The following TSR1 variants were observed in gnomAD, a reference collection of about 807,000 sequenced individuals.
TSR1 encodes the protein pre-rRNA-processing protein TSR1 homolog.
A neutral mutation model predicts 90.9 loss-of-function variants in TSR1; 81 were observed. The observed-to-expected ratio is 0.89, with a 90% confidence interval of 0.74 to 1.07. TSR1 has a LOEUF of 1.07. Among genes scored for constraint, TSR1 ranks in the 50% least tolerant of loss-of-function variants. The pLI, the probability that TSR1 is intolerant of heterozygous loss-of-function variation, is 0.00. For synonymous variants in TSR1, 362 were observed against 348.8 expected, an observed-to-expected ratio of 1.04 and a Z score of -0.42; for missense variants, 989 against 987.3, an observed-to-expected ratio of 1.00 and a Z score of -0.02.
chr17:2,323,738 A>G lies in TSR1; in HGVS notation c.*458T>C. On this transcript the variant is annotated 3_prime_UTR_variant, in exon 15 of 15. Coordinates refer to ENST00000301364, the MANE Select transcript of TSR1 (RefSeq NM_018128.5). ...TTGGAGTGGCTGCTGTGCTGTCTCA[A>G]CATTTTCAAACTGTTTCCCCAGAAG... 6.2e-7 allele frequency: 1 copy of G among 1,614,214 alleles called. No individual in the cohort carries two copies. Among genetic ancestry groups the G allele is most frequent in the South Asian group, 1.1e-5 (1 of 91,088 alleles).
chr17:2,327,526 A>C (rs1413707195), intron 11 of TSR1, among the ~76,000 whole-genome samples: 1 of 152,162 alleles, frequency 6.6e-6, no homozygotes, highest in Non-Finnish European at 1.5e-5. Flanking sequence ...TCCAGTTCTA[A>C]GGATCTGCCT....
rs2064060891 is a variant in TSR1, at chr17:2,335,749, C to G, written c.202-19G>C. 1 of 1,608,040 alleles carries G rather than the reference C, an allele frequency of 6.2e-7. No individual in the cohort carries two copies. On this transcript the variant is annotated intron_variant, in intron 2 of 14. Transcript: ENST00000301364. ...CCAGAACCTGAAAATAGAAAGATAT[C>G]CGAGAACATCTCAGTGTCTCAGTAC...
In TSR1 at chr17:2,329,406, G is replaced by A; in HGVS notation, c.1840C>T (p.Leu614Phe). 6.2e-7 allele frequency: 1 copy of A among 1,614,172 alleles called. No individual in the cohort carries two copies. The highest frequency in any genetic ancestry group is 8.5e-7 in the Non-Finnish European group (1 of 1,180,030). ...CGCCTGAATCCACAGTGAAATATGA[G>A]CTCTTCCTTGGCTTTCACAGGTTCA... ...NTEPVKAKEE[L>F]IFHCGFRRFR... The change falls in exon 11 of 15, where the codon CTC (leucine) becomes TTC (phenylalanine). Residue 614 changes from leucine (L) to phenylalanine (F), a missense_variant. Transcript: ENST00000301364.
chr17:2,327,640 A>C (rs1232316400), intron 11 of TSR1, among the ~76,000 whole-genome samples: 1 of 152,214 alleles, frequency 6.6e-6, no homozygotes, highest in Admixed American at 6.5e-5. Context: ...AGCTCAAATA[A>C]GTATCAGTAC....
At chr17:2,331,729 C>A (rs373274039) in intron 8 of TSR1, among the ~76,000 whole-genome samples, 1 of 152,102 alleles carries the variant, frequency 6.6e-6, no homozygotes, top group East Asian at 1.9e-4. Flanking sequence ...TATAGCCATG[C>A]GAGAATGGCC....
chr17:2,330,094 T>A, intron 10 of TSR1: 1 of 327,636 alleles, frequency 3.1e-6, no homozygotes, highest in Non-Finnish European at 6.0e-6. Context: ...TAATTTTGTA[T>A]TTTTGGTAGA....
intron 10 of TSR1, chr17:2,330,229 A>G: frequency 1.8e-6 from 1 of 545,266 alleles, no homozygotes; most frequent in Non-Finnish European, 3.6e-6. Flanking sequence ...CCAAACCTTT[A>G]TTTTTAAGGC....
Position 2,335,635 on chromosome 17 carries a change from G to A in TSR1, c.297C>T (p.Ala99=). Residue 99 remains alanine (A), a synonymous_variant, in exon 3 of 15, where the codon GCC becomes GCT. Transcript: ENST00000301364. ...PLHSRISLPE[A]MQLLQDRDTG... ...TGTCCCTATCTTGAAGCAGCTGCAT[G>A]GCCTCTGGCAGGGAAATTCTGCTGT... The A allele has an allele frequency of 6.2e-7, 1 of 1,614,146 alleles. No individual in the cohort carries two copies. Among genetic ancestry groups the A allele is most frequent in the South Asian group, 1.1e-5 (1 of 91,084 alleles).
intron 7 of TSR1, 112 bp downstream of exon 7, chr17:2,332,849 T>G: frequency 1.8e-6 from 2 of 1,085,094 alleles, no homozygotes; most frequent in Middle Eastern, 2.4e-4. Flanking sequence ...AAAAAAAAAA[T>G]AAAAAAAATA....
Position 2,323,122 on chromosome 17 carries a change from A to G in TSR1, c.*1074T>C. The G allele has an allele frequency of 1.2e-6, 2 of 1,613,788 alleles. No individual in the cohort carries two copies. Among genetic ancestry groups the G allele is most frequent in the Non-Finnish European group, 1.7e-6 (2 of 1,179,668 alleles). On this transcript the variant is annotated 3_prime_UTR_variant, in exon 15 of 15. Transcript: ENST00000301364. ...TGGTTTGTTGTTAAGATGTCTTAATATTCCTCTTCCCAGGCTCTGAAACCT... is the reference window on the plus strand; with the variant it reads ...TGGTTTGTTGTTAAGATGTCTTAATGTTCCTCTTCCCAGGCTCTGAAACCT...
At position 2,336,341 on chromosome 17, in the gene TSR1, C is replaced by T. The variant is rs2064081145; in HGVS notation, c.87G>A (p.Arg29=). The stretch of plus-strand genomic sequence containing the variant: ...ACGTTATCTCCTTACCCTTGCCGTC[C>T]CGCTGTGCAGATCCCCGACCCCGAT... The part of the protein sequence containing the change: ...GRHRGRGSAQ[R]DGKGRLALKT... Residue 29 remains arginine, a synonymous_variant, in exon 1 of 15, where the codon CGG becomes CGA. Coordinates refer to ENST00000301364, the MANE Select transcript of TSR1 (RefSeq NM_018128.5). The T allele has an allele frequency of 1.2e-6, 2 of 1,614,126 alleles. No homozygotes were observed. The highest frequency in any genetic ancestry group is 1.7e-6 in the Non-Finnish European group (2 of 1,180,034).
chr17:2,330,221 A>G, intron 10 of TSR1: 1 of 534,400 alleles, frequency 1.9e-6, no homozygotes, highest in Admixed American at 2.0e-5. Context: ...GCGCCCAGCC[A>G]AACCTTTATT....
Position 2,331,107 on chromosome 17 carries a change from A to T in TSR1, c.1499T>A (p.Phe500Tyr). The T allele has an allele frequency of 6.4e-7, 1 of 1,574,138 alleles. No homozygotes were observed. The change falls in exon 9 of 15, where the codon TTT becomes TAT. Residue 500 changes from phenylalanine (F) to tyrosine (Y), a missense_variant and splice_region_variant. Transcript: ENST00000301364. ...GCTCTTAAGGCCTCTGTATTTCTGAAATCTAGAATATTGAAGATTTTTAAA... is the reference window on the plus strand; with the variant it reads ...GCTCTTAAGGCCTCTGTATTTCTGATATCTAGAATATTGAAGATTTTTAAA... ...TPRDVAARIR[F>Y]QKYRGLKSFR...
rs193262404 is a variant in TSR1 at position 2,329,571 on chromosome 17, A to C, written c.1771-96T>G. On this transcript the variant is annotated intron_variant, in intron 10 of 14. Transcript: ENST00000301364. ...AAACCAAACTAGCAGATTCAGACTC[A>C]TTCTAAGAACTGACAATGCTAATTA... 414 of 1,441,858 alleles carry C rather than the reference A, an allele frequency of 2.9e-4. 3 individuals carry two copies. The highest frequency in any genetic ancestry group is 9.2e-5 in the Non-Finnish European group (96 of 1,049,022). The allele number at this position is 1,441,858 out of a possible 1,614,324, so 89.3% of individuals were successfully genotyped here.
chr17:2,333,048 C>T lies in TSR1; in HGVS notation c.1218G>A (p.Leu406=), dbSNP rs763298661. 1 of 1,614,146 alleles carries T rather than the reference C, an allele frequency of 6.2e-7. No homozygotes were observed. The highest frequency in any genetic ancestry group is 8.5e-7 in the Non-Finnish European group (1 of 1,180,024). ...CCCCACCACTTTGGCTGCCACCATC[C>T]AAAATCCATTCAGCTTGGTAACTGG... is the stretch of plus-strand genomic sequence containing the variant. ...GTSSYQAEWI[L]DGGSQSGGEG... The change falls in exon 7 of 15, where the codon TTG becomes TTA. Residue 406 remains leucine (L), a synonymous_variant. Coordinates refer to ENST00000301364, the MANE Select transcript of TSR1 (RefSeq NM_018128.5).
At chr17:2,325,823 G>C (rs1467766229) in intron 11 of TSR1, among the ~76,000 whole-genome samples, 1 of 152,162 alleles carries the variant, frequency 6.6e-6, no homozygotes, top group East Asian at 1.9e-4. Flanking sequence ...ATGTTGGCCA[G>C]GCTGGTCTCG....
intron 6 of TSR1, 61 bp from the exon 7 acceptor site, chr17:2,333,185 T>C: frequency 1.9e-6 from 3 of 1,583,652 alleles, no homozygotes; most frequent in Middle Eastern, 1.7e-4. Context: ...CCTCTGGTTA[T>C]TCTCACCTAG....
Position 2,331,094 on chromosome 17 carries a change from T to G in TSR1, c.1512A>C (p.Arg504Ser). 1 of 1,580,620 alleles carries G rather than the reference T, an allele frequency of 6.3e-7. No homozygotes were observed. The highest frequency in any genetic ancestry group is 8.5e-7 in the Non-Finnish European group (1 of 1,171,108). Residue 504 changes from arginine to serine, a missense_variant, in exon 9 of 15, where the codon AGA becomes AGC. By Grantham distance (110) the Arg-to-Ser change is moderately radical. Transcript: ENST00000301364. ...GAGATGTCCGGAAGCTCTTAAGGCC[T>G]CTGTATTTCTGAAATCTAGAATATT... ...VAARIRFQKY[R>S]GLKSFRTSPW...
chr17:2,325,316 G>C lies in TSR1; in HGVS notation c.2008C>G (p.Gln670Glu). 6.2e-7 allele frequency: 1 copy of C among 1,607,728 alleles called. No homozygotes were observed. Residue 670 changes from glutamine (Q) to glutamate (E), a missense_variant, in exon 12 of 15, where the codon CAA becomes GAA. By Grantham distance (29) the Gln-to-Glu change is conservative. Coordinates refer to ENST00000301364, the MANE Select transcript of TSR1 (RefSeq NM_018128.5). ...FPPASVLLFK[Q>E]KSNGMHSLIA... is the part of the protein sequence containing the mutation. Reference sequence around the variant, plus strand: ...TGGCTCAACTTACCATTGCTTTTTTGCTTGAAAAGCAGCACAGATGCAGGA... The same window carrying C: ...TGGCTCAACTTACCATTGCTTTTTTCCTTGAAAAGCAGCACAGATGCAGGA...
Sources: gnomAD v4.1 joint callset for allele counts (sites outside exome capture counted in the v4.1 genomes callset) on GRCh38, gnomAD v4.1.1 for gene constraint, MANE v1.5 for transcripts, NCBI Gene and HGNC (gene_info 2026-07-23, HGNC 2026-07-21) for gene names.